GRM8: variants seen among roughly 807,000 people sequenced by gnomAD.
GRM8 encodes the protein metabotropic glutamate receptor 8.
GRM8 carries 47 observed loss-of-function variants against 87.2 expected under a neutral mutation model. The observed-to-expected ratio is 0.54, with a 90% CI of 0.43 to 0.69. The LOEUF (loss-of-function observed/expected upper bound fraction) is 0.69, where lower values mean the gene tolerates loss of function less well. Ranked by LOEUF, GRM8 falls within the 30% of genes least tolerant of loss-of-function variation. The pLI is 0.00. For synonymous variants in GRM8, 396 were observed against 404.5 expected (o/e 0.98, Z 0.25); for missense variants, 1,019 against 1,139.2 (o/e 0.89, Z 1.52).
intron 2 of GRM8, among the ~76,000 whole-genome samples, chr7:127,219,277 C>G (rs1438803367): frequency 6.6e-6 from 1 of 152,134 alleles, no homozygotes; most frequent in Non-Finnish European, 1.5e-5. Context: ...TACCTCAAGA[C>G]TGAAATACAG....
At chr7:126,628,084 G>A (rs1035749310) in intron 7 of GRM8, among the ~76,000 whole-genome samples, 18 of 151,636 alleles carry the variant, frequency 1.2e-4, no homozygotes, top group African/African-American at 2.7e-4. Context: ...TCGCTCTGTC[G>A]CCCAGGCTGG....
At chr7:126,518,438 A>G (rs1812493996) in intron 9 of GRM8, among the ~76,000 whole-genome samples, 1 of 152,096 alleles carries the variant, frequency 6.6e-6, no homozygotes, top group South Asian at 2.1e-4. Context: ...TTTTGCAAAT[A>G]GAGAGCAAGA....
intron 10 of GRM8, among the ~76,000 whole-genome samples, chr7:126,444,073 TAAAAAAGAAAAAA>T (rs1180079893): frequency 6.6e-6 from 1 of 150,488 alleles, no homozygotes; most frequent in Non-Finnish European, 1.5e-5. Context: ...GGATTGCTGC[TAAAAAAGAAAAAA>T]AAAAGAGAAA....
At chr7:127,092,484 C>T (rs1165586487) in intron 3 of GRM8, among the ~76,000 whole-genome samples, 1 of 152,076 alleles carries the variant, frequency 6.6e-6, no homozygotes, top group Non-Finnish European at 1.5e-5. Flanking sequence ...TCTCTTGAGG[C>T]CAGGAGTTTG....
chr7:126,517,821 G>A (rs1812399186), intron 9 of GRM8, among the ~76,000 whole-genome samples: 1 of 152,054 alleles, frequency 6.6e-6, no homozygotes. Context: ...AATTATTTTA[G>A]ATAGATTGCC....
At chr7:126,579,840 C>A (rs1408921303) in intron 8 of GRM8, among the ~76,000 whole-genome samples, 1 of 151,920 alleles carries the variant, frequency 6.6e-6, no homozygotes, top group Non-Finnish European at 1.5e-5. Context: ...CTCTGTTAAT[C>A]AATGTTATAG....
intron 6 of GRM8, among the ~76,000 whole-genome samples, chr7:126,787,572 C>A (rs955308370): frequency 1.3e-5 from 2 of 152,110 alleles, no homozygotes; most frequent in Non-Finnish European, 2.9e-5. Context: ...TCAATTCTTT[C>A]TCAACCTATG....
intron 3 of GRM8, among the ~76,000 whole-genome samples, chr7:127,026,647 CTTT>C: frequency 6.6e-6 from 1 of 152,230 alleles, no homozygotes; most frequent in South Asian, 2.1e-4. Flanking sequence ...TAAATGTCTT[CTTT>C]TGAGAAGTGT....
chr7:126,764,294 G>C (rs1817956178), intron 7 of GRM8, among the ~76,000 whole-genome samples: 1 of 151,818 alleles, frequency 6.6e-6, no homozygotes. Flanking sequence ...AGAAAGATGT[G>C]CTTTATCATG....
chr7:126,843,508 T>A (rs972251325), intron 6 of GRM8, among the ~76,000 whole-genome samples: 1 of 152,212 alleles, frequency 6.6e-6, no homozygotes, highest in Admixed American at 6.5e-5. Context: ...CTTCATAGCA[T>A]CCTGCAAAAA....
intron 2 of GRM8, among the ~76,000 whole-genome samples, chr7:127,194,653 A>AAGTC (rs561336224): frequency 6.6e-6 from 1 of 152,192 alleles, no homozygotes; most frequent in Non-Finnish European, 1.5e-5. Context: ...AATCCGTAAG[A>AAGTC]AGTCATCTGA....
At chr7:126,600,392 C>G (rs975266) in intron 8 of GRM8, among the ~76,000 whole-genome samples, 1 of 151,792 alleles carries the variant, frequency 6.6e-6, no homozygotes, top group Non-Finnish European at 1.5e-5. Flanking sequence ...TGGCTTCTGA[C>G]TAGGGGAAAT....
At chr7:126,524,212 C>T (rs548813021) in intron 9 of GRM8, among the ~76,000 whole-genome samples, 1 of 152,228 alleles carries the variant, frequency 6.6e-6, no homozygotes, top group East Asian at 1.9e-4. Flanking sequence ...ATGTGATTGC[C>T]ACTGCCTTAC....
intron 2 of GRM8, among the ~76,000 whole-genome samples, chr7:127,118,504 ATTCCATAATGTG>A (rs1652585436): frequency 6.6e-6 from 1 of 152,206 alleles, no homozygotes; most frequent in African/African-American, 2.4e-5. Flanking sequence ...TATGTGTCGT[ATTCCATAATGTG>A]TGCGTATGTG....
At chr7:126,830,933 C>A (rs1795302625) in intron 6 of GRM8, among the ~76,000 whole-genome samples, 1 of 152,234 alleles carries the variant, frequency 6.6e-6, no homozygotes, top group South Asian at 2.1e-4. Flanking sequence ...ACAGGACCCT[C>A]AGCTGCAGGT....
At chr7:127,060,436 AG>A (rs1222434028) in intron 3 of GRM8, among the ~76,000 whole-genome samples, 1 of 152,168 alleles carries the variant, frequency 6.6e-6, no homozygotes, top group Non-Finnish European at 1.5e-5. Flanking sequence ...AGAGAGAAAA[AG>A]TTTTCAAATA....
intron 9 of GRM8, among the ~76,000 whole-genome samples, chr7:126,495,790 G>A: frequency 6.6e-6 from 1 of 151,908 alleles, no homozygotes; most frequent in East Asian, 1.9e-4. Context: ...ATATCTTTCT[G>A]CTTCTTAAGC....
intron 6 of GRM8, among the ~76,000 whole-genome samples, chr7:126,899,030 A>G (rs1229018635): frequency 3.3e-5 from 5 of 150,846 alleles, no homozygotes; most frequent in African/African-American, 1.2e-4. Context: ...AAAAAAAAAA[A>G]GAAAGAAAAT....
intron 7 of GRM8, among the ~76,000 whole-genome samples, chr7:126,757,268 G>A (rs951571620): frequency 1.3e-5 from 2 of 152,058 alleles, no homozygotes; most frequent in South Asian, 4.1e-4. Context: ...CAAAAGTTAG[G>A]AGAGCGACTT....
Sources: allele counts gnomAD v4.1 joint callset (sites outside exome capture counted in the v4.1 genomes callset), GRCh38; gene constraint gnomAD v4.1.1; transcripts MANE v1.5; gene names NCBI Gene and HGNC (gene_info 2026-07-23, HGNC 2026-07-21).